RBMS3: variants seen among roughly 807,000 people sequenced by gnomAD.
RBMS3 encodes RNA-binding motif, single-stranded-interacting protein 3.
In RBMS3, 27 loss-of-function variants were observed where a neutral mutation model predicts 66.8. That is an observed-to-expected ratio of 0.40 (90% CI 0.30 to 0.56). RBMS3 has a LOEUF of 0.56. RBMS3 is among the 20% of genes least tolerant of loss of function. The pLI is 0.40. For synonymous variants in RBMS3, 188 were observed against 183.0 expected, an observed-to-expected ratio of 1.03 and a Z score of -0.22; for missense variants, 513 against 549.5, an observed-to-expected ratio of 0.93 and a Z score of 0.66.
intron 3 of RBMS3, among the ~76,000 whole-genome samples, chr3:29,559,936 T>C (rs1289608705): frequency 1.3e-5 from 2 of 152,226 alleles, no homozygotes; most frequent in African/African-American, 2.4e-5. Context: ...GTGCAGGGCA[T>C]TCTGACATAC....
At chr3:29,414,276 A>T (rs1314483701) in intron 1 of RBMS3, among the ~76,000 whole-genome samples, 1 of 152,240 alleles carries the variant, frequency 6.6e-6, no homozygotes, top group Non-Finnish European at 1.5e-5. Context: ...CAAAACATTT[A>T]TTGGAAAATA....
intron 1 of RBMS3, among the ~76,000 whole-genome samples, chr3:29,348,639 A>T (rs913891834): frequency 5.3e-5 from 8 of 152,180 alleles, no homozygotes; most frequent in Admixed American, 2.6e-4. Flanking sequence ...CAGTAATAAA[A>T]ATGTGGCTTA....
At chr3:29,591,608 C>T (rs929520097) in intron 4 of RBMS3, among the ~76,000 whole-genome samples, 2 of 152,132 alleles carry the variant, frequency 1.3e-5, no homozygotes, top group African/African-American at 4.8e-5. Context: ...ATTGAGGCCT[C>T]GCTGGAGAAC....
rs575645098 is a variant in RBMS3 at position 29,431,538 on chromosome 3, T to G, written c.76-3205T>G. Among the ~76,000 whole-genome samples the G allele has an allele frequency of 9.9e-5, 15 of 151,950 alleles. No individual in the cohort carries two copies. The South Asian group carries it at 1.7e-3, about 17-fold the overall frequency. On this transcript the variant is annotated intron_variant, in intron 1 of 14. Coordinates refer to ENST00000383767, the MANE Select transcript of RBMS3 (RefSeq NM_001003793.3). ...GATCTCCCGACCTTGTGATCCGCCC[T>G]CCTCAGCCTCCCAAACTGCTGGGAC...
intron 4 of RBMS3, among the ~76,000 whole-genome samples, chr3:29,611,594 G>T (rs1176319340): frequency 4.0e-5 from 6 of 151,862 alleles, no homozygotes; most frequent in Non-Finnish European, 7.4e-5. Context: ...GTGAGTCAAA[G>T]AATCTTCATA....
intron 1 of RBMS3, among the ~76,000 whole-genome samples, chr3:29,365,784 A>G (rs997504295): frequency 6.6e-6 from 1 of 152,178 alleles, no homozygotes; most frequent in African/African-American, 2.4e-5. Flanking sequence ...GGAAAAAGAA[A>G]TCACCTTAAT....
intron 6 of RBMS3, among the ~76,000 whole-genome samples, chr3:29,786,691 C>T (rs58046091): frequency 0.014 from 2,181 of 152,104 alleles, 42 homozygotes; most frequent in African/African-American, 0.042. Flanking sequence ...AAAATCAACT[C>T]GAGATGGATC....
intron 4 of RBMS3, among the ~76,000 whole-genome samples, chr3:29,631,060 A>G (rs55817244): frequency 0.016 from 2,428 of 152,018 alleles, 50 homozygotes; most frequent in African/African-American, 0.056. Context: ...GCTTAGCAAA[A>G]TTTGAGTATT....
chr3:29,447,693 G>A (rs1431736243), intron 2 of RBMS3, among the ~76,000 whole-genome samples: 3 of 152,176 alleles, frequency 2.0e-5, no homozygotes, highest in African/African-American at 7.2e-5. Context: ...ATAAACTGAA[G>A]TTAATTTGCT....
intron 6 of RBMS3, among the ~76,000 whole-genome samples, chr3:29,821,798 T>C (rs2058082338): frequency 6.6e-6 from 1 of 152,186 alleles, no homozygotes; most frequent in Non-Finnish European, 1.5e-5. Flanking sequence ...GAAGAAAATA[T>C]GTTTTCAGAA....
intron 4 of RBMS3, among the ~76,000 whole-genome samples, chr3:29,663,944 A>G (rs1016541224): frequency 3.9e-5 from 6 of 152,310 alleles, no homozygotes; most frequent in African/African-American, 1.4e-4. Context: ...CAATTGAAAA[A>G]TGTCTATGGC....
intron 1 of RBMS3, among the ~76,000 whole-genome samples, chr3:29,346,396 C>CTTTTTTTTTT (rs34803214): frequency 5.0e-5 from 3 of 59,962 alleles, no homozygotes; most frequent in African/African-American, 6.9e-5. Flanking sequence ...GCAATTCATT[C>CTTTTTTTTTT]TTTTTTTTTT....
At chr3:29,783,388 C>T (rs1002165653) in intron 6 of RBMS3, among the ~76,000 whole-genome samples, 4 of 152,092 alleles carry the variant, frequency 2.6e-5, no homozygotes, top group Non-Finnish European at 4.4e-5. Context: ...GATTGGGGTC[C>T]TATTTTTAGC....
intron 7 of RBMS3, among the ~76,000 whole-genome samples, chr3:29,878,548 A>G (rs1301392925): frequency 6.6e-6 from 1 of 151,782 alleles, no homozygotes; most frequent in Non-Finnish European, 1.5e-5. Flanking sequence ...ATTCTGTCCT[A>G]CTTTTGTATT....
chr3:29,355,090 A>C (rs1243096493), intron 1 of RBMS3, among the ~76,000 whole-genome samples: 1 of 152,128 alleles, frequency 6.6e-6, no homozygotes, highest in Non-Finnish European at 1.5e-5. Context: ...TATACACTGT[A>C]ATACTATCTC....
intron 4 of RBMS3, among the ~76,000 whole-genome samples, chr3:29,623,645 CAAT>C (rs1167599441): frequency 6.7e-6 from 1 of 149,980 alleles, no homozygotes; most frequent in Non-Finnish European, 1.5e-5. Flanking sequence ...CTACTTCCAA[CAAT>C]GACATTTTGA....
At chr3:29,681,079 C>G (rs2051466101) in intron 4 of RBMS3, among the ~76,000 whole-genome samples, 1 of 152,168 alleles carries the variant, frequency 6.6e-6, no homozygotes, top group Admixed American at 6.5e-5. Flanking sequence ...TACAGGGTAG[C>G]TGTGGGGGCT....
At chr3:29,988,471 C>T (rs1221563977) in intron 13 of RBMS3, among the ~76,000 whole-genome samples, 3 of 152,168 alleles carry the variant, frequency 2.0e-5, no homozygotes, top group Non-Finnish European at 4.4e-5. Flanking sequence ...GAGAAAATTC[C>T]AGAGGCCAAA....
At chr3:29,418,739 TA>T (rs1405483934) in intron 1 of RBMS3, among the ~76,000 whole-genome samples, 3 of 152,112 alleles carry the variant, frequency 2.0e-5, no homozygotes, top group Non-Finnish European at 2.9e-5. Context: ...ATTCCTTTGC[TA>T]AAAAAAGTCT....
Sources: gnomAD v4.1 joint callset for allele counts (sites outside exome capture counted in the v4.1 genomes callset) on GRCh38, gnomAD v4.1.1 for gene constraint, MANE v1.5 for transcripts, NCBI Gene and HGNC (gene_info 2026-07-23, HGNC 2026-07-21) for gene names.